Variants in ZMAT4 observed in about 807,000 individuals in gnomAD.
The protein encoded by ZMAT4 is zinc finger matrin-type 4.
Under a neutral mutation model 28.7 loss-of-function variants are expected in ZMAT4, and 17 were observed. The ratio of observed to expected loss-of-function variants is 0.59; its 90% CI spans 0.41 to 0.89. The LOEUF (loss-of-function observed/expected upper bound fraction) is 0.89. ZMAT4 is among the 40% of genes least tolerant of loss of function. The pLI, the probability that ZMAT4 is intolerant of heterozygous loss-of-function variation, is 0.00. For synonymous variants in ZMAT4, 117 were observed against 109.2 expected, an observed-to-expected ratio of 1.07 and a Z score of -0.44; for missense variants, 240 against 283.8, an observed-to-expected ratio of 0.85 and a Z score of 1.11.
rs1057231316 is a variant in ZMAT4 at position 40,785,002 on chromosome 8, C to T, written c.103-17272G>A. ...GATTTGAACCCAGGCTTTCTGACTT[C>T]AGAGACTAAAGTCTTAACTCCAGTG... On this transcript the variant is annotated intron_variant, in intron 2 of 6. Coordinates refer to ENST00000297737, the MANE Select transcript of ZMAT4 (RefSeq NM_024645.3). 7.9e-5 allele frequency among the ~76,000 whole-genome samples: 12 copies of T among 152,368 alleles called. No homozygotes were observed. The East Asian group carries it at 2.3e-3, about 29-fold the overall frequency.
chr8:40,719,560 C>T (rs578124696), intron 3 of ZMAT4, among the ~76,000 whole-genome samples: 1 of 152,114 alleles, frequency 6.6e-6, no homozygotes, highest in South Asian at 2.1e-4. Flanking sequence ...AGAAGGCACT[C>T]AAGGCCCTTT....
chr8:40,752,273 C>T (rs574147714), intron 3 of ZMAT4, among the ~76,000 whole-genome samples: 3 of 152,324 alleles, frequency 2.0e-5, no homozygotes, highest in African/African-American at 7.2e-5. Flanking sequence ...TGCCTCTAGC[C>T]TGTGTCCCTG....
chr8:40,544,648 T>G (rs1703432927), intron 6 of ZMAT4, among the ~76,000 whole-genome samples: 1 of 152,202 alleles, frequency 6.6e-6, no homozygotes. Context: ...CCCACAATAT[T>G]TTTTAGTTAA....
chr8:40,632,650 A>G (rs576189142), intron 5 of ZMAT4, among the ~76,000 whole-genome samples: 1 of 152,312 alleles, frequency 6.6e-6, no homozygotes, highest in South Asian at 2.1e-4. Context: ...AGGAGAAGCA[A>G]GGAAGGATGA....
At chr8:40,878,112 C>T (rs568036751) in intron 1 of ZMAT4, among the ~76,000 whole-genome samples, 139 of 152,310 alleles carry the variant, frequency 9.1e-4, no homozygotes, top group African/African-American at 3.0e-3. Context: ...GAATGGCTTC[C>T]AATGGCAGAA....
chr8:40,739,503 G>A (rs1312896015), intron 3 of ZMAT4, among the ~76,000 whole-genome samples: 68 of 152,260 alleles, frequency 4.5e-4, no homozygotes, highest in African/African-American at 1.6e-3. Flanking sequence ...TTTAATTTGG[G>A]ATTGTAAAAG....
chr8:40,699,447 T>G (rs910888584), intron 3 of ZMAT4, among the ~76,000 whole-genome samples: 1 of 152,110 alleles, frequency 6.6e-6, no homozygotes, highest in African/African-American at 2.4e-5. Flanking sequence ...GAAATCCCAC[T>G]AATGGGTATC....
intron 6 of ZMAT4, among the ~76,000 whole-genome samples, chr8:40,537,101 T>C (rs565203048): frequency 3.9e-5 from 6 of 152,158 alleles, no homozygotes; most frequent in African/African-American, 1.4e-4. Context: ...CTGATTGATA[T>C]GGGGAGTGGG....
intron 5 of ZMAT4, among the ~76,000 whole-genome samples, chr8:40,603,141 T>C (rs544844388): frequency 1.3e-5 from 2 of 152,184 alleles, no homozygotes; most frequent in Non-Finnish European, 2.9e-5. Context: ...CTTCCACACA[T>C]GTCTTGCCAA....
intron 1 of ZMAT4, among the ~76,000 whole-genome samples, chr8:40,892,359 G>C (rs1270973436): frequency 6.6e-6 from 1 of 152,018 alleles, no homozygotes; most frequent in African/African-American, 2.4e-5. Flanking sequence ...CCGCCACCCT[G>C]GCCTCACAGC....
chr8:40,600,999 G>A (rs1043097534), intron 5 of ZMAT4, among the ~76,000 whole-genome samples: 1 of 152,112 alleles, frequency 6.6e-6, no homozygotes, highest in Non-Finnish European at 1.5e-5. Flanking sequence ...ATAGCAAGCA[G>A]TATAAGACTC....
chr8:40,583,181 G>C (rs888399324), intron 5 of ZMAT4, among the ~76,000 whole-genome samples: 5 of 152,184 alleles, frequency 3.3e-5, no homozygotes, highest in Admixed American at 6.5e-5. Context: ...GTACCTTCTT[G>C]TTGCTTGGGA....
rs1425447406 is a variant in ZMAT4, at chr8:40,688,859, G to A, written c.349+8386C>T. On this transcript the variant is annotated intron_variant, in intron 4 of 6. Transcript: ENST00000297737. Reference sequence around the variant, plus strand: ...AAATTTTGCATTCCATTCCAAAAACGTAGCTAGGCTCTGAAGTCTGGTTTT... The same window carrying A: ...AAATTTTGCATTCCATTCCAAAAACATAGCTAGGCTCTGAAGTCTGGTTTT... Among the ~76,000 whole-genome samples, 4 of 152,230 alleles carry A rather than the reference G, an allele frequency of 2.6e-5. No homozygotes were observed. The South Asian group carries it at 6.2e-4, about 24-fold the overall frequency.
intron 5 of ZMAT4, among the ~76,000 whole-genome samples, chr8:40,582,906 G>C (rs748216830): frequency 9.2e-5 from 14 of 152,186 alleles, no homozygotes; most frequent in Non-Finnish European, 2.1e-4. Flanking sequence ...GGAAGTCCTA[G>C]ACACAGATGA....
chr8:40,627,401 C>G (rs969770448), intron 5 of ZMAT4, among the ~76,000 whole-genome samples: 1 of 152,124 alleles, frequency 6.6e-6, no homozygotes, highest in Non-Finnish European at 1.5e-5. Flanking sequence ...CAAACACACA[C>G]ATACACACAA....
intron 1 of ZMAT4, among the ~76,000 whole-genome samples, chr8:40,884,170 AG>A (rs1318438711): frequency 1.3e-5 from 2 of 152,110 alleles, no homozygotes; most frequent in East Asian, 1.9e-4. Flanking sequence ...GGCATCCAAG[AG>A]GGTCCCCCAC....
intron 5 of ZMAT4, among the ~76,000 whole-genome samples, chr8:40,662,276 C>T (rs533129805): frequency 4.6e-5 from 7 of 152,248 alleles, no homozygotes; most frequent in Non-Finnish European, 8.8e-5. Context: ...CCACCACACC[C>T]GGCCCAGGTA....
intron 1 of ZMAT4, among the ~76,000 whole-genome samples, chr8:40,894,286 T>G (rs566716102): frequency 6.6e-6 from 1 of 152,204 alleles, no homozygotes; most frequent in South Asian, 2.1e-4. Context: ...AGAACTGAAC[T>G]TGGGGACAGG....
At chr8:40,858,930 G>C (rs1817394531) in intron 1 of ZMAT4, among the ~76,000 whole-genome samples, 2 of 152,166 alleles carry the variant, frequency 1.3e-5, no homozygotes. Flanking sequence ...ACGATCCATG[G>C]TGAAGCATGT....
Sources: allele counts gnomAD v4.1 joint callset (sites outside exome capture counted in the v4.1 genomes callset), GRCh38; gene constraint gnomAD v4.1.1; transcripts MANE v1.5; gene names NCBI Gene and HGNC (gene_info 2026-07-23, HGNC 2026-07-21).